The following TBX1 variants were observed in gnomAD, a reference collection of about 807,000 sequenced individuals.
The protein encoded by TBX1 is T-box transcription factor 1, also known as T-box transcription factor TBX1.
Under a neutral mutation model 40.8 loss-of-function variants are expected in TBX1, and 16 were observed. That is an observed-to-expected ratio of 0.39 (90% confidence interval 0.27 to 0.60). The LOEUF is 0.60. Ranked by LOEUF, TBX1 falls within the 20% of genes least tolerant of loss-of-function variation. The pLI, the probability that TBX1 is intolerant of heterozygous loss-of-function variation, is 0.51. For synonymous variants in TBX1, 403 were observed against 336.8 expected, an observed-to-expected ratio of 1.20 and a Z score of -2.15; for missense variants, 755 against 728.5, an observed-to-expected ratio of 1.04 and a Z score of -0.42.
At chr22:19,759,686 C>T (rs1216016450), upstream of TBX1, 1 of 1,612,254 alleles carries the variant, frequency 6.2e-7, no homozygotes, top group Middle Eastern at 1.6e-4. Context: ...AGGTGAGCCT[C>T]CAGGCCGTGT....
chr22:19,759,532 G>T (rs1352421502), upstream of TBX1: 9 of 1,548,902 alleles, frequency 5.8e-6, no homozygotes, highest in Non-Finnish European at 6.9e-6. Flanking sequence ...GAGCCAGTGC[G>T]TTCAGCATCG....
intron 4 of TBX1, 132 bp from the exon 5 acceptor site, chr22:19,765,626 G>C (rs1363862272): frequency 1.0e-6 from 1 of 981,460 alleles, no homozygotes; most frequent in Non-Finnish European, 1.5e-6. Context: ...AGGGGCAGAC[G>C]TGGACTGGTT....
chr22:19,780,714 C>A (rs1352541753), downstream of TBX1, among the ~76,000 whole-genome samples: 2 of 151,614 alleles, frequency 1.3e-5, no homozygotes, highest in East Asian at 3.9e-4. Context: ...AGCTGCTACT[C>A]CATTTTTACA....
rs767961877 is a variant in TBX1 at position 19,766,623 on chromosome 22, C to G, written c.1271C>G (p.Pro424Arg). ...PGASEPLHHH[P>R]YKYPAAAYDH... The stretch of plus-strand genomic sequence containing the variant: ...GCATCGGAGCCGCTGCACCACCACC[C>G]CTACAAATATCCGGCCGCCGCCTAC... The change falls in exon 7 of 7, where the codon CCC becomes CGC. Residue 424 changes from proline (P) to arginine (R), a missense_variant. Coordinates refer to ENST00000649276, the MANE Select transcript of TBX1 (RefSeq NM_001379200.1). 6.5e-6 allele frequency: 10 copies of G among 1,544,274 alleles called. No homozygotes were observed. In the Admixed American group the frequency reaches 1.5e-4, roughly 23 times the overall value.
At chr22:19,759,769 C>A, upstream of TBX1, 1 of 1,436,780 alleles carries the variant, frequency 7.0e-7, no homozygotes, top group Non-Finnish European at 9.6e-7. Flanking sequence ...GTGGAGGCAG[C>A]TCTTGGTAGC....
upstream of TBX1, among the ~76,000 whole-genome samples, chr22:19,760,469 G>T (rs200559478): frequency 5.4e-4 from 80 of 148,416 alleles, no homozygotes; most frequent in East Asian, 5.9e-4. Flanking sequence ...GGAAAAGAAC[G>T]TCTGGGAGAG....
At chr22:19,765,340 T>TC (rs1339869308) in intron 4 of TBX1, among the ~76,000 whole-genome samples, 1 of 152,052 alleles carries the variant, frequency 6.6e-6, no homozygotes, top group East Asian at 1.9e-4. Flanking sequence ...GCGGCAACTG[T>TC]CACTTCGTCC....
At chr22:19,782,261 C>T (rs1461776449), downstream of TBX1, among the ~76,000 whole-genome samples, 1 of 152,182 alleles carries the variant, frequency 6.6e-6, no homozygotes, top group Non-Finnish European at 1.5e-5. Context: ...GATATCTTAA[C>T]AATGTTAAGT....
At position 19,766,735 on chromosome 22, in the gene TBX1, GCACCAC is replaced by G. The variant is rs753713234; in HGVS notation, c.1394_1399del (p.His465_His466del). The G allele has an allele frequency of 7.1e-6, 11 of 1,541,786 alleles. No individual in the cohort carries two copies. The highest frequency in any genetic ancestry group is 1.9e-4 in the Middle Eastern group (1 of 5,244). On this transcript the variant is annotated inframe_deletion, in exon 7 of 7. Coordinates refer to ENST00000649276, the MANE Select transcript of TBX1 (RefSeq NM_001379200.1). Reference sequence around the variant, plus strand: ...ACGGCTACCACCCGCACGCGCATCCGCACCACCACCACCACCCCGTGAGTCCAGCCG... The same window carrying G: ...ACGGCTACCACCCGCACGCGCATCCGCACCACCACCCCGTGAGTCCAGCCG...
rs754446709 is a variant in TBX1 at position 19,763,270 on chromosome 22, T to C, written c.467T>C (p.Leu156Pro). 1 of 1,614,146 alleles carries C rather than the reference T, an allele frequency of 6.2e-7. No homozygotes were observed. The highest frequency in any genetic ancestry group is 1.1e-5 in the South Asian group (1 of 91,088). ...ATGTTTCCCACCTTCCAAGTGAAGC[T>C]CTTCGGCATGGATCCCATGGCCGAC... ...RRMFPTFQVKLFGMDPMADYM... is the reference protein window; with the variant it reads ...RRMFPTFQVKPFGMDPMADYM... Residue 156 changes from leucine to proline, a missense_variant, in exon 2 of 7, where the codon CTC becomes CCC. By Grantham distance (98) the Leu-to-Pro change is moderately conservative. This residue lies in a region of TBX1 where 144 missense variants were observed against 238.0 expected (regional missense o/e 0.61). Coordinates refer to ENST00000649276, the MANE Select transcript of TBX1 (RefSeq NM_001379200.1).
downstream of TBX1, among the ~76,000 whole-genome samples, chr22:19,770,746 AG>A (rs905954732): frequency 1.3e-5 from 2 of 152,198 alleles, no homozygotes; most frequent in African/African-American, 4.8e-5. Context: ...CGCAGATCAA[AG>A]CACCCGCATA....
At position 19,776,159 on chromosome 22, in the gene TBX1, T is replaced by C. The variant is rs549370016; in HGVS notation, c.1010-3061T>C. 2.0e-4 allele frequency among the ~76,000 whole-genome samples: 31 copies of C among 152,144 alleles called. No individual in the cohort carries two copies. In the Middle Eastern group the frequency reaches 0.014, roughly 67 times the overall value. ...CAGCGGCTTCCCCAGGGACAGGCAGTGCTGTGGCCCGTGTCCACCCCAGCT... is the reference window on the plus strand; with the variant it reads ...CAGCGGCTTCCCCAGGGACAGGCAGCGCTGTGGCCCGTGTCCACCCCAGCT... On this transcript the variant is annotated intron_variant, in intron 8 of 8. Transcript: ENST00000329705.
At chr22:19,757,820 G>A (rs1026847060), upstream of TBX1, among the ~76,000 whole-genome samples, 1 of 152,192 alleles carries the variant, frequency 6.6e-6, no homozygotes, top group Non-Finnish European at 1.5e-5. Context: ...TCCCCTCAGT[G>A]ACACTGAGAG....
upstream of TBX1, among the ~76,000 whole-genome samples, chr22:19,757,322 TG>T (rs1388328676): frequency 6.6e-6 from 1 of 152,024 alleles, no homozygotes; most frequent in Non-Finnish European, 1.5e-5. Flanking sequence ...TAATGGGGGC[TG>T]GAAGGGCTCT....
chr22:19,772,034 T>G (rs938447800), downstream of TBX1, among the ~76,000 whole-genome samples: 2 of 152,266 alleles, frequency 1.3e-5, no homozygotes, highest in Non-Finnish European at 2.9e-5. Context: ...CACTCCTCCC[T>G]GCACATCCCT....
chr22:19,782,642 G>A (rs994897026), downstream of TBX1, among the ~76,000 whole-genome samples: 4 of 152,116 alleles, frequency 2.6e-5, no homozygotes, highest in African/African-American at 9.7e-5. Flanking sequence ...ACACCCGCAG[G>A]GCTGAGTGAC....
chr22:19,768,117 G>A (rs1173732509), downstream of TBX1, among the ~76,000 whole-genome samples: 3 of 152,192 alleles, frequency 2.0e-5, no homozygotes, highest in Non-Finnish European at 2.9e-5. Context: ...GCTGACAGCC[G>A]GTCAGCGCCA....
intron 4 of TBX1, 141 bp downstream of exon 4, chr22:19,765,254 C>T (rs1168028688): frequency 6.8e-6 from 9 of 1,320,234 alleles, no homozygotes; most frequent in Non-Finnish European, 9.6e-6. Flanking sequence ...ACTGGAGCCC[C>T]ACTCCCAAGG....
At chr22:19,767,782 C>T (rs1601296721), downstream of TBX1, among the ~76,000 whole-genome samples, 3 of 152,344 alleles carry the variant, frequency 2.0e-5, no homozygotes, top group Non-Finnish European at 2.9e-5. Context: ...CACTGCCGGT[C>T]GGTGCTGGGA....
Sources: allele counts gnomAD v4.1 joint callset (sites outside exome capture counted in the v4.1 genomes callset), GRCh38; gene constraint gnomAD v4.1.1; regional missense constraint gnomAD v4.1.1; transcripts MANE v1.5; gene names NCBI Gene and HGNC (gene_info 2026-07-23, HGNC 2026-07-21).